The following RBM46 variants were observed in gnomAD, a reference collection of about 807,000 sequenced individuals.
RBM46 encodes probable RNA-binding protein 46.
Under a neutral mutation model 43.3 loss-of-function variants are expected in RBM46, and 12 were observed. The observed-to-expected ratio is 0.28, with a 90% CI of 0.18 to 0.45. The LOEUF (loss-of-function observed/expected upper bound fraction) is 0.45, where lower values mean the gene tolerates loss of function less well. Ranked by LOEUF, RBM46 falls within the 20% of genes least tolerant of loss-of-function variation. The pLI is 1.00. For missense variants in RBM46, 412 were observed against 639.1 expected (o/e 0.64, Z 3.83); for synonymous variants, 205 against 207.6 (o/e 0.99, Z 0.11).
intron 4 of RBM46, among the ~76,000 whole-genome samples, chr4:154,804,495 A>G (rs1303570222): frequency 3.3e-5 from 5 of 152,238 alleles, no homozygotes; most frequent in Non-Finnish European, 7.3e-5. Flanking sequence ...TGGAATAAAC[A>G]AAATCAAGGA....
intron 1 of RBM46, among the ~76,000 whole-genome samples, chr4:154,792,253 ATAAT>A (rs1303086394): frequency 6.9e-6 from 1 of 145,478 alleles, no homozygotes; most frequent in East Asian, 1.9e-4. Flanking sequence ...ATTACTATAA[ATAAT>A]AAATGAGATA....
At chr4:154,827,821 G>T (rs1229358229) in intron 4 of RBM46, 47 bp from the exon 5 acceptor site, 2 of 1,604,698 alleles carry the variant, frequency 1.2e-6, no homozygotes, top group Non-Finnish European at 1.7e-6. Context: ...AATTAAATTT[G>T]TGTCCATAAA....
Position 154,828,363 on chromosome 4 carries a change from C to T in RBM46, c.*296C>T. 3 of 227,474 alleles carry T rather than the reference C, an allele frequency of 1.3e-5. No homozygotes were observed. The highest frequency in any genetic ancestry group is 6.7e-5 in the South Asian group (1 of 14,950). 14.1% of individuals were successfully genotyped at this position (227,474 alleles called of 1,614,324 possible). A position where few individuals can be genotyped will look rare whatever the true frequency, so the allele number is the denominator to read the frequency against. ...TTCTGAGTGGGCAATAGAACCTAGT[C>T]ATTTATGTTTTTTTTTTTTTTTGCA... On this transcript the variant is annotated 3_prime_UTR_variant, in exon 5 of 5. Transcript: ENST00000281722.
intron 4 of RBM46, among the ~76,000 whole-genome samples, chr4:154,799,907 G>A (rs1196620458): frequency 1.3e-5 from 2 of 151,854 alleles, no homozygotes; most frequent in South Asian, 2.1e-4. Flanking sequence ...CTACAGGCAC[G>A]TGCCACCATG....
chr4:154,792,388 A>G (rs1299324395), intron 1 of RBM46, among the ~76,000 whole-genome samples: 1 of 152,220 alleles, frequency 6.6e-6, no homozygotes, highest in Non-Finnish European at 1.5e-5. Flanking sequence ...GTGCTTGCCA[A>G]AATCTGACCA....
chr4:154,782,170 G>A (rs1035663828), intron 1 of RBM46, among the ~76,000 whole-genome samples: 28 of 152,190 alleles, frequency 1.8e-4, no homozygotes, highest in African/African-American at 6.8e-4. Flanking sequence ...CACACGTCGT[G>A]GCACCGCCTT....
At chr4:154,801,163 G>C (rs1734619977) in intron 4 of RBM46, among the ~76,000 whole-genome samples, 1 of 151,994 alleles carries the variant, frequency 6.6e-6, no homozygotes, top group African/African-American at 2.4e-5. Context: ...ATTTTAAGTA[G>C]AGACAGGGTT....
At chr4:154,800,167 A>G (rs1234725108) in intron 4 of RBM46, among the ~76,000 whole-genome samples, 1 of 152,092 alleles carries the variant, frequency 6.6e-6, no homozygotes, top group Non-Finnish European at 1.5e-5. Context: ...TTTAATGACT[A>G]ATTCTCAGTT....
chr4:154,783,155 G>A (rs967819463), intron 1 of RBM46, among the ~76,000 whole-genome samples: 6 of 152,198 alleles, frequency 3.9e-5, no homozygotes, highest in African/African-American at 1.4e-4. Flanking sequence ...AAAGATGACA[G>A]TGCTGCCTGC....
At chr4:154,824,822 A>G (rs1735882766) in intron 4 of RBM46, among the ~76,000 whole-genome samples, 1 of 152,134 alleles carries the variant, frequency 6.6e-6, no homozygotes, top group South Asian at 2.1e-4. Flanking sequence ...ATGAAGTCTA[A>G]GAACAGGCAA....
intron 4 of RBM46, among the ~76,000 whole-genome samples, chr4:154,813,506 A>C (rs972779986): frequency 6.6e-6 from 1 of 152,072 alleles, no homozygotes; most frequent in African/African-American, 2.4e-5. Flanking sequence ...CTTTGTGTTT[A>C]TATCAACCAA....
chr4:154,792,557 A>G (rs1734153181), intron 1 of RBM46, among the ~76,000 whole-genome samples: 1 of 152,136 alleles, frequency 6.6e-6, no homozygotes, highest in Non-Finnish European at 1.5e-5. Context: ...GACCCTTTTC[A>G]ATGTCTGGTA....
At chr4:154,817,880 A>G (rs156573) in intron 4 of RBM46, among the ~76,000 whole-genome samples, 4,892 of 151,652 alleles carry the variant, frequency 0.032, 275 homozygotes, top group African/African-American at 0.11. Flanking sequence ...CTTTAGCTGT[A>G]TTAGTTATTC....
chr4:154,813,189 AG>A (rs1205303070), intron 4 of RBM46, among the ~76,000 whole-genome samples: 26 of 152,270 alleles, frequency 1.7e-4, no homozygotes, highest in Non-Finnish European at 1.8e-4. Context: ...GAAAGAAGAA[AG>A]GATTGGGAAA....
chr4:154,789,927 A>G (rs983016864), intron 1 of RBM46, among the ~76,000 whole-genome samples: 6 of 152,114 alleles, frequency 3.9e-5, no homozygotes, highest in African/African-American at 9.7e-5. Context: ...CCAGGAATTT[A>G]TCCATTTCTT....
At position 154,796,799 on chromosome 4, in the gene RBM46, G is replaced by C; in HGVS notation, c.47G>C (p.Arg16Pro). ...IDGTNGCSKV[R>P]TGIQNEAALL... ...GGAACAAATGGATGCAGTAAAGTTC[G>C]AACTGGTATTCAGAATGAAGCAGCA... The change falls in exon 2 of 5, where the codon CGA becomes CCA. Residue 16 changes from arginine (R) to proline (P), a missense_variant. Arg to Pro is a moderately radical substitution (Grantham distance 103, BLOSUM62 -2). This residue lies in a region of RBM46 where 23 missense variants were observed against 22.9 expected (regional missense o/e 1.00). Coordinates refer to ENST00000281722, the MANE Select transcript of RBM46 (RefSeq NM_144979.5). 6.2e-7 allele frequency: 1 copy of C among 1,613,262 alleles called. No individual in the cohort carries two copies. Among genetic ancestry groups the C allele is most frequent in the Non-Finnish European group, 8.5e-7 (1 of 1,179,470 alleles).
chr4:154,822,951 T>C (rs762613763), intron 4 of RBM46, among the ~76,000 whole-genome samples: 3 of 151,838 alleles, frequency 2.0e-5, no homozygotes, highest in Non-Finnish European at 4.4e-5. Flanking sequence ...TGAAAACATA[T>C]GTTCACACAA....
chr4:154,798,332 G>T, intron 3 of RBM46, 54 bp downstream of exon 3: 1 of 1,127,888 alleles, frequency 8.9e-7, no homozygotes, highest in South Asian at 1.6e-5. Flanking sequence ...ATGGAGAGAT[G>T]ATAGTACATC....
chr4:154,795,530 C>T (rs1362028673), intron 1 of RBM46, among the ~76,000 whole-genome samples: 1 of 152,008 alleles, frequency 6.6e-6, no homozygotes, highest in Non-Finnish European at 1.5e-5. Context: ...CAGGATCTTG[C>T]CCTGTTGCCC....
Sources: allele counts gnomAD v4.1 joint callset (sites outside exome capture counted in the v4.1 genomes callset), GRCh38; gene constraint gnomAD v4.1.1; regional missense constraint gnomAD v4.1.1; transcripts MANE v1.5; gene names NCBI Gene and HGNC (gene_info 2026-07-23, HGNC 2026-07-21).